The following WDR26 variants were observed in gnomAD, a reference collection of about 807,000 sequenced individuals.
WDR26 encodes WD repeat domain 26.
WDR26 carries 5 observed loss-of-function variants against 84.1 expected under a neutral mutation model. The observed-to-expected ratio is 0.06, with a 90% confidence interval of 0.03 to 0.13. WDR26 has a LOEUF of 0.13. Among genes scored for constraint, WDR26 ranks in the 10% least tolerant of loss-of-function variants. The probability of loss-of-function intolerance (pLI) is 1.00; values close to 1 mark genes in which losing one functional copy is unlikely to be tolerated. For missense variants in WDR26, 642 were observed against 974.9 expected, an observed-to-expected ratio of 0.66 and a Z score of 4.55; for synonymous variants, 415 against 389.6, an observed-to-expected ratio of 1.07 and a Z score of -0.77.
intron 9 of WDR26, among the ~76,000 whole-genome samples, chr1:224,400,103 A>C (rs1335973564): frequency 6.6e-6 from 1 of 152,230 alleles, no homozygotes; most frequent in Non-Finnish European, 1.5e-5. Flanking sequence ...ATGATTTATG[A>C]TATAAATGAT....
At chr1:224,399,824 G>C (rs1377454271) in intron 9 of WDR26, among the ~76,000 whole-genome samples, 3 of 152,124 alleles carry the variant, frequency 2.0e-5, no homozygotes, top group African/African-American at 7.2e-5. Flanking sequence ...AATTGATCTG[G>C]GGTCGGGTGT....
At chr1:224,396,548 A>G (rs1243028602) in intron 12 of WDR26, among the ~76,000 whole-genome samples, 1 of 152,242 alleles carries the variant, frequency 6.6e-6, no homozygotes, top group Non-Finnish European at 1.5e-5. Context: ...GAGAATCTAG[A>G]AGTAGTGGAA....
chr1:224,390,013 C>T (rs1448970424), intron 13 of WDR26, among the ~76,000 whole-genome samples, 153 bp from the exon 14 acceptor site: 1 of 152,144 alleles, frequency 6.6e-6, no homozygotes, highest in Admixed American at 6.5e-5. Flanking sequence ...ATTCTTGAAA[C>T]TTTCATCATA....
chr1:224,404,602 C>T, intron 7 of WDR26, 32 bp from the exon 8 acceptor site: 1 of 1,585,272 alleles, frequency 6.3e-7, no homozygotes, highest in Non-Finnish European at 8.6e-7. Flanking sequence ...TCAGTTAACC[C>T]CTATCACTAA....
intron 1 of WDR26, among the ~76,000 whole-genome samples, 174 bp from the exon 2 acceptor site, chr1:224,431,955 A>G (rs1393513982): frequency 6.6e-6 from 1 of 152,166 alleles, no homozygotes; most frequent in East Asian, 1.9e-4. Flanking sequence ...TGACACCTAC[A>G]TTTTTTCCTA....
rs912663712 is a variant in WDR26 at position 224,434,046 on chromosome 1, TCCTCCTCCACCGCCGCCGCCG to T, written c.339_359del (p.Gly119_Gly125del). 19 of 1,452,934 alleles carry T rather than the reference TCCTCCTCCACCGCCGCCGCCG, an allele frequency of 1.3e-5. No individual in the cohort carries two copies. Among genetic ancestry groups the T allele is most frequent in the Non-Finnish European group, 1.7e-5 (19 of 1,106,524 alleles). The allele number at this position is 1,452,934 out of a possible 1,614,324, so 90.0% of individuals were successfully genotyped here. A position where few individuals can be genotyped will look rare whatever the true frequency, so the allele number is the denominator to read the frequency against. ...TCTGTCCCTGGCCCCCGCCGCCCCC[TCCTCCTCCACCGCCGCCGCCG>T]CCACCTCCTCCTCCTCCTCCTGCCC... On this transcript the variant is annotated inframe_deletion, in exon 1 of 14. Coordinates refer to ENST00000414423, the MANE Select transcript of WDR26 (RefSeq NM_001379403.1).
chr1:224,425,245 AT>A (rs36025913), intron 3 of WDR26, among the ~76,000 whole-genome samples: 9,586 of 152,328 alleles, frequency 0.063, 435 homozygotes, highest in Middle Eastern at 0.1. Context: ...TGTGCAAAGT[AT>A]TGAATTTCCT....
chr1:224,421,964 T>C (rs1674076773), intron 4 of WDR26, among the ~76,000 whole-genome samples: 2 of 152,216 alleles, frequency 1.3e-5, no homozygotes, highest in African/African-American at 4.8e-5. Context: ...GCCCATTCTT[T>C]TGTCCATCAT....
At chr1:224,419,641 C>G (rs1374119766) in intron 4 of WDR26, 26 bp from the exon 5 acceptor site, 2 of 1,524,908 alleles carry the variant, frequency 1.3e-6, no homozygotes, top group South Asian at 2.2e-5. Flanking sequence ...AGAAAGCAAC[C>G]AATATTAAAC....
chr1:224,422,736 T>G (rs1306401129), intron 4 of WDR26, among the ~76,000 whole-genome samples: 1 of 149,238 alleles, frequency 6.7e-6, no homozygotes, highest in Non-Finnish European at 1.5e-5. Context: ...AGGAAAGAAA[T>G]TAAGAGTGAA....
rs1673072359 is a variant in WDR26, at chr1:224,389,710, T to C, written c.*125A>G. ...TTTGGCCCCAATCGGGCTTCAGAAATGGTTCTTTTTTCATGACGAGCATGT... is the reference window on the plus strand; with the variant it reads ...TTTGGCCCCAATCGGGCTTCAGAAACGGTTCTTTTTTCATGACGAGCATGT... On this transcript the variant is annotated 3_prime_UTR_variant, in exon 14 of 14. Coordinates refer to ENST00000414423, the MANE Select transcript of WDR26 (RefSeq NM_001379403.1). 1 of 1,032,376 alleles carries C rather than the reference T, an allele frequency of 9.7e-7. No individual in the cohort carries two copies. Among genetic ancestry groups the C allele is most frequent in the African/African-American group, 1.6e-5 (1 of 62,500 alleles). The allele number at this position is 1,032,376 out of a possible 1,614,324, so 64.0% of individuals were successfully genotyped here. A position where few individuals can be genotyped will look rare whatever the true frequency, so the allele number is the denominator to read the frequency against.
rs1673399266 is a variant in WDR26, at chr1:224,401,065, C to T, written c.1604G>A (p.Gly535Glu). Reference sequence around the variant, plus strand: ...CTGGCTCATTTTTGTCCTTAGTTCTCCTGTCTATAAGGAAATAAAACTGTA... The same window carrying T: ...CTGGCTCATTTTTGTCCTTAGTTCTTCTGTCTATAAGGAAATAAAACTGTA... Residue 535 changes from glycine (G) to glutamate (E), a missense_variant, in exon 9 of 14, where the codon GGA becomes GAA. Physicochemically the swap from Gly to Glu is moderately conservative, Grantham distance 98 (BLOSUM62 -2). This residue lies in a region of WDR26 where 351 missense variants were observed against 672.8 expected (regional missense o/e 0.52). Transcript: ENST00000414423. The T allele has an allele frequency of 6.2e-7, 1 of 1,613,482 alleles. No individual in the cohort carries two copies.
At chr1:224,409,592 C>T (rs1025973880) in intron 7 of WDR26, among the ~76,000 whole-genome samples, 7 of 152,024 alleles carry the variant, frequency 4.6e-5, no homozygotes, top group South Asian at 4.1e-4. Flanking sequence ...CTGGGAATGG[C>T]GACTCACGCC....
In WDR26 at chr1:224,404,324, A is replaced by C. The variant is rs1021756322; in HGVS notation, c.1599+106T>G. 5.9e-6 allele frequency: 8 copies of C among 1,353,778 alleles called. No homozygotes were observed. The African/African-American group carries it at 1.2e-4, about 20-fold the overall frequency. 83.9% of individuals were successfully genotyped at this position (1,353,778 alleles called of 1,614,324 possible). A position where few individuals can be genotyped will look rare whatever the true frequency, so the allele number is the denominator to read the frequency against. On this transcript the variant is annotated intron_variant, in intron 8 of 13. Coordinates refer to ENST00000414423, the MANE Select transcript of WDR26 (RefSeq NM_001379403.1). ...AATAACTAAGAGATACAGTATAGTA[A>C]TTTAGGTTGAATGGTTATATTATAT...
Position 224,432,819 on chromosome 1 carries a change from T to A in WDR26, c.722+865A>T, listed in dbSNP as rs111241426. ...GACTCCGTCTCTTGCACCTCCTTCA[T>A]CAGGCACTCCCACCAATCCTACCTT... is the stretch of plus-strand genomic sequence containing the variant. On this transcript the variant is annotated intron_variant, in intron 1 of 13. Transcript: ENST00000414423. Among the ~76,000 whole-genome samples, 751 of 152,286 alleles carry A rather than the reference T, an allele frequency of 4.9e-3. 7 individuals are homozygous for A. The highest frequency in any genetic ancestry group is 0.017 in the African/African-American group (711 of 41,548).
Position 224,389,758 on chromosome 1 carries a change from T to C in WDR26, c.*77A>G, listed in dbSNP as rs1018087522. ...TGTCTGTCCAGCTATCAATCATGTT[T>C]GTTTGCACCAAATCCCAAGCCATTA... On this transcript the variant is annotated 3_prime_UTR_variant, in exon 14 of 14. Coordinates refer to ENST00000414423, the MANE Select transcript of WDR26 (RefSeq NM_001379403.1). The C allele has an allele frequency of 1.4e-6, 2 of 1,394,192 alleles. No homozygotes were observed. Among genetic ancestry groups the C allele is most frequent in the Non-Finnish European group, 2.0e-6 (2 of 981,870 alleles). 86.4% of individuals were successfully genotyped at this position (1,394,192 alleles called of 1,614,324 possible). A position where few individuals can be genotyped will look rare whatever the true frequency, so the allele number is the denominator to read the frequency against.
chr1:224,426,786 T>TA (rs1572212456), intron 3 of WDR26, among the ~76,000 whole-genome samples: 1 of 152,048 alleles, frequency 6.6e-6, no homozygotes, highest in East Asian at 1.9e-4. Flanking sequence ...ATATTTTCAT[T>TA]TATCAATATA....
chr1:224,407,637 T>C (rs1190061751), intron 7 of WDR26, among the ~76,000 whole-genome samples: 1 of 151,580 alleles, frequency 6.6e-6, no homozygotes, highest in African/African-American at 2.4e-5. Flanking sequence ...GCCTCCAAAG[T>C]AGCTGGGACT....
chr1:224,403,953 A>T (rs1397072126), intron 8 of WDR26, among the ~76,000 whole-genome samples: 3 of 152,076 alleles, frequency 2.0e-5, no homozygotes, highest in African/African-American at 4.8e-5. Context: ...AAACAAACAA[A>T]CGAACAAACC....
Sources: gnomAD v4.1 joint callset for allele counts (sites outside exome capture counted in the v4.1 genomes callset) on GRCh38, gnomAD v4.1.1 for gene constraint, gnomAD v4.1.1 regional missense constraint, MANE v1.5 for transcripts, NCBI Gene and HGNC (gene_info 2026-07-23, HGNC 2026-07-21) for gene names.